Variants in CNTNAP2 observed in about 807,000 individuals in gnomAD.
CNTNAP2 encodes contactin-associated protein-like 2.
CNTNAP2 carries 98 observed loss-of-function variants against 155.2 expected under a neutral mutation model. That is an observed-to-expected ratio of 0.63 (90% confidence interval 0.54 to 0.75). The LOEUF is 0.75. Among genes scored for constraint, CNTNAP2 ranks in the 30% least tolerant of loss-of-function variants. CNTNAP2 has a pLI of 0.00. For missense variants in CNTNAP2, 1,727 were observed against 1,688.1 expected (o/e 1.02, Z -0.40); for synonymous variants, 651 against 631.2 (o/e 1.03, Z -0.47).
intron 1 of CNTNAP2, among the ~76,000 whole-genome samples, chr7:146,255,731 G>A (rs139020777): frequency 1.1e-3 from 162 of 152,268 alleles, no homozygotes; most frequent in Middle Eastern, 6.8e-3. Flanking sequence ...AGACAAAGCC[G>A]CAAATGTGAC....
At chr7:146,500,231 C>T (rs1433364493) in intron 1 of CNTNAP2, among the ~76,000 whole-genome samples, 3 of 152,064 alleles carry the variant, frequency 2.0e-5, no homozygotes, top group Admixed American at 1.3e-4. Context: ...GTTACCAACA[C>T]AGGGGTTCGG....
intron 11 of CNTNAP2, among the ~76,000 whole-genome samples, chr7:147,534,655 CT>C (rs1367026159): frequency 6.6e-6 from 1 of 152,236 alleles, no homozygotes; most frequent in African/African-American, 2.4e-5. Flanking sequence ...AAAGATGGGA[CT>C]TTTAAAGTTT....
At chr7:147,295,783 G>A (rs35540358) in intron 8 of CNTNAP2, among the ~76,000 whole-genome samples, 5,213 of 152,076 alleles carry the variant, frequency 0.034, 120 homozygotes, top group Non-Finnish European at 0.052. Flanking sequence ...ATAGATTACT[G>A]AGGTATTACC....
chr7:147,382,376 G>T (rs568742291), intron 9 of CNTNAP2, among the ~76,000 whole-genome samples: 1 of 152,266 alleles, frequency 6.6e-6, no homozygotes, highest in South Asian at 2.1e-4. Flanking sequence ...TATTCAACAG[G>T]TAGAATTAAT....
chr7:147,634,034 A>G (rs2116914962), intron 12 of CNTNAP2, among the ~76,000 whole-genome samples: 1 of 152,346 alleles, frequency 6.6e-6, no homozygotes, highest in Non-Finnish European at 1.5e-5. Flanking sequence ...AGCACTATGG[A>G]AAACAGTATG....
At position 146,601,953 on chromosome 7, in the gene CNTNAP2, A is replaced by T. The variant is rs546902171; in HGVS notation, c.98-172318A>T. On this transcript the variant is annotated intron_variant, in intron 1 of 23. Transcript: ENST00000361727. Reference sequence around the variant, plus strand: ...GAATATAATTTTAAAGAAAGTAAAAAAAATAAATAAATAAAGATTGAACCC... The same window carrying T: ...GAATATAATTTTAAAGAAAGTAAAATAAATAAATAAATAAAGATTGAACCC... Among the ~76,000 whole-genome samples the T allele has an allele frequency of 4.2e-4, 64 of 152,260 alleles. 1 individual carries two copies. In the South Asian group the frequency reaches 0.012, roughly 29 times the overall value.
chr7:146,505,066 A>G (rs906636598), intron 1 of CNTNAP2, among the ~76,000 whole-genome samples: 2 of 152,222 alleles, frequency 1.3e-5, no homozygotes, highest in East Asian at 1.9e-4. Flanking sequence ...TCAGCCAGGA[A>G]GCAAGCATGC....
At chr7:148,187,178 G>A (rs966605604) in intron 18 of CNTNAP2, among the ~76,000 whole-genome samples, 7 of 150,976 alleles carry the variant, frequency 4.6e-5, no homozygotes, top group African/African-American at 9.8e-5. Flanking sequence ...TGGACCTGTC[G>A]GTTTCTAACA....
intron 15 of CNTNAP2, among the ~76,000 whole-genome samples, chr7:148,017,706 C>T (rs912938646): frequency 2.0e-5 from 3 of 152,124 alleles, no homozygotes; most frequent in Non-Finnish European, 4.4e-5. Flanking sequence ...CAAGATCTTC[C>T]GCTATGGAGA....
chr7:147,176,580 A>G (rs1554447213), intron 8 of CNTNAP2, among the ~76,000 whole-genome samples: 1 of 147,714 alleles, frequency 6.8e-6, no homozygotes, highest in Admixed American at 6.9e-5. Flanking sequence ...TGAAATAAAC[A>G]AGATAGATTA....
At chr7:147,553,063 A>C (rs1169529885) in intron 11 of CNTNAP2, among the ~76,000 whole-genome samples, 1 of 152,238 alleles carries the variant, frequency 6.6e-6, no homozygotes. Context: ...CTAGAGAATG[A>C]GAACGTAGTG....
intron 21 of CNTNAP2, among the ~76,000 whole-genome samples, chr7:148,288,631 T>G (rs1797132538): frequency 6.6e-6 from 1 of 152,164 alleles, no homozygotes. Flanking sequence ...ACACTAATAA[T>G]TTGTGGGTCT....
chr7:146,215,872 C>T (rs1799105103), intron 1 of CNTNAP2, among the ~76,000 whole-genome samples: 1 of 152,138 alleles, frequency 6.6e-6, no homozygotes, highest in Non-Finnish European at 1.5e-5. Context: ...AATATTTTAC[C>T]TTCCCATTTG....
At chr7:148,411,358 C>G (rs895483448) in intron 23 of CNTNAP2, among the ~76,000 whole-genome samples, 2 of 152,234 alleles carry the variant, frequency 1.3e-5, no homozygotes, top group African/African-American at 2.4e-5. Flanking sequence ...CTCTGCCTCC[C>G]GGGTTCAAGC....
At chr7:146,756,440 C>T (rs757709390) in intron 1 of CNTNAP2, among the ~76,000 whole-genome samples, 27 of 152,058 alleles carry the variant, frequency 1.8e-4, no homozygotes, top group South Asian at 4.1e-4. Flanking sequence ...CACTTTCTTG[C>T]GGCATTGACA....
In CNTNAP2 at chr7:148,390,371, T is replaced by C. The variant is rs190625639; in HGVS notation, c.3715+6483T>C. Reference sequence around the variant, plus strand: ...TGAAAGCACCTCATTATGAGGAAGATGTGAAATTATTACTGTGTTTTGAAT... The same window carrying C: ...TGAAAGCACCTCATTATGAGGAAGACGTGAAATTATTACTGTGTTTTGAAT... On this transcript the variant is annotated intron_variant, in intron 22 of 23. Coordinates refer to ENST00000361727, the MANE Select transcript of CNTNAP2 (RefSeq NM_014141.6). 7.9e-4 allele frequency among the ~76,000 whole-genome samples: 120 copies of C among 152,266 alleles called. 1 individual carries two copies. In the East Asian group the frequency reaches 0.021, roughly 26 times the overall value.
intron 1 of CNTNAP2, among the ~76,000 whole-genome samples, chr7:146,676,673 G>T (rs1800403834): frequency 6.6e-6 from 1 of 152,074 alleles, no homozygotes; most frequent in Admixed American, 6.6e-5. Flanking sequence ...GTTCTACATG[G>T]CTAGGGAAGC....
intron 1 of CNTNAP2, among the ~76,000 whole-genome samples, chr7:146,651,457 G>T (rs759460569): frequency 2.0e-5 from 3 of 152,128 alleles, no homozygotes; most frequent in Non-Finnish European, 4.4e-5. Flanking sequence ...GTGATGATAC[G>T]CAATAATAGG....
At chr7:146,490,311 T>C (rs1797119765) in intron 1 of CNTNAP2, among the ~76,000 whole-genome samples, 1 of 152,178 alleles carries the variant, frequency 6.6e-6, no homozygotes, top group Non-Finnish European at 1.5e-5. Flanking sequence ...CTGTCTATCC[T>C]CATGAAGCTT....
Sources: allele counts gnomAD v4.1 joint callset (sites outside exome capture counted in the v4.1 genomes callset), GRCh38; gene constraint gnomAD v4.1.1; transcripts MANE v1.5; gene names NCBI Gene and HGNC (gene_info 2026-07-23, HGNC 2026-07-21).